The following CFAP299 variants were observed in gnomAD, a reference collection of about 807,000 sequenced individuals.
CFAP299 encodes the protein cilia and flagella associated protein 299.
Under a neutral mutation model 27.0 loss-of-function variants are expected in CFAP299, and 21 were observed. That is an observed-to-expected ratio of 0.78 (90% confidence interval 0.55 to 1.12). The LOEUF (loss-of-function observed/expected upper bound fraction) is 1.12, where lower values mean the gene tolerates loss of function less well. CFAP299 is among the 50% of genes most tolerant of loss of function. The pLI is 0.00. For synonymous variants in CFAP299, 104 were observed against 98.1 expected, an observed-to-expected ratio of 1.06 and a Z score of -0.36; for missense variants, 310 against 276.6, an observed-to-expected ratio of 1.12 and a Z score of -0.86.
At chr4:80,389,747 T>G (rs1437296001) in intron 2 of CFAP299, among the ~76,000 whole-genome samples, 4 of 152,212 alleles carry the variant, frequency 2.6e-5, no homozygotes, top group African/African-American at 9.6e-5. Context: ...CTAACCTTAT[T>G]GAGCACATTC....
chr4:80,610,032 A>G (rs1022182449), intron 3 of CFAP299, among the ~76,000 whole-genome samples: 1 of 152,108 alleles, frequency 6.6e-6, no homozygotes, highest in Non-Finnish European at 1.5e-5. Context: ...AAAAAGGCTG[A>G]ATAATGCTTA....
At chr4:80,446,021 A>G (rs912645513) in intron 2 of CFAP299, among the ~76,000 whole-genome samples, 2 of 152,178 alleles carry the variant, frequency 1.3e-5, no homozygotes. Flanking sequence ...TTTGATATTT[A>G]TGCTGCGTGC....
At chr4:80,746,446 A>G (rs1724595209) in intron 3 of CFAP299, among the ~76,000 whole-genome samples, 3 of 152,116 alleles carry the variant, frequency 2.0e-5, no homozygotes, top group Non-Finnish European at 2.9e-5. Context: ...TAATTTTGGA[A>G]TATGTATTAT....
intron 2 of CFAP299, among the ~76,000 whole-genome samples, chr4:80,546,015 C>T (rs1259781441): frequency 1.3e-5 from 2 of 152,100 alleles, no homozygotes; most frequent in African/African-American, 2.4e-5. Flanking sequence ...ATGATTATAT[C>T]AATAGACACA....
chr4:80,350,621 A>G (rs947647917), intron 1 of CFAP299, among the ~76,000 whole-genome samples: 6 of 152,244 alleles, frequency 3.9e-5, no homozygotes, highest in Admixed American at 6.5e-5. Flanking sequence ...CAATGAGTTC[A>G]TGTCCTTTGC....
chr4:80,387,547 TC>T lies in CFAP299; in HGVS notation c.242+24665del, dbSNP rs1158580297. ...TAGGGGCTGGCCCAACCCTGTGTTT[TC>T]CTCATCCTCCTGCCTACTGGGGTTC... On this transcript the variant is annotated intron_variant, in intron 2 of 5. Coordinates refer to ENST00000358105, the MANE Select transcript of CFAP299 (RefSeq NM_152770.3). 1.6e-5 allele frequency: 15 copies of T among 912,678 alleles called. 1 individual carries two copies. In the Admixed American group the frequency reaches 2.7e-4, roughly 16 times the overall value. The allele number at this position is 912,678 out of a possible 1,614,324, so 56.5% of individuals were successfully genotyped here. A position where few individuals can be genotyped will look rare whatever the true frequency, so the allele number is the denominator to read the frequency against.
At chr4:80,689,075 C>T (rs988917430) in intron 3 of CFAP299, among the ~76,000 whole-genome samples, 16 of 152,140 alleles carry the variant, frequency 1.1e-4, no homozygotes, top group Non-Finnish European at 2.2e-4. Context: ...ATTGGTGTAC[C>T]TGAAAGTGAC....
intron 3 of CFAP299, among the ~76,000 whole-genome samples, chr4:80,809,277 A>T (rs777922031): frequency 5.3e-5 from 8 of 152,098 alleles, no homozygotes; most frequent in Non-Finnish European, 1.0e-4. Context: ...ATCACTCATG[A>T]TTTTGTTGAT....
chr4:80,790,239 G>A (rs774706903), intron 3 of CFAP299: 1 of 152,024 alleles, frequency 6.6e-6, no homozygotes, highest in Non-Finnish European at 1.5e-5. Flanking sequence ...AAAATTATGT[G>A]CAGTTTCTCC....
chr4:80,891,242 G>A (rs1289894275), intron 4 of CFAP299, among the ~76,000 whole-genome samples: 1 of 149,408 alleles, frequency 6.7e-6, no homozygotes, highest in Non-Finnish European at 1.5e-5. Flanking sequence ...TTTGTATAAG[G>A]TGTAAGGAAG....
At chr4:80,337,102 A>G (rs1722183543) in intron 1 of CFAP299, among the ~76,000 whole-genome samples, 1 of 152,252 alleles carries the variant, frequency 6.6e-6, no homozygotes, top group Non-Finnish European at 1.5e-5. Flanking sequence ...ATTTAAAGTC[A>G]TAAAAGTCAG....
intron 3 of CFAP299, among the ~76,000 whole-genome samples, chr4:80,621,027 A>T (rs892263807): frequency 2.0e-5 from 3 of 152,070 alleles, no homozygotes; most frequent in African/African-American, 7.2e-5. Context: ...TTTTATCATT[A>T]ACCAAGTAAC....
At chr4:80,466,347 T>C (rs1178551367) in intron 2 of CFAP299, among the ~76,000 whole-genome samples, 1 of 152,210 alleles carries the variant, frequency 6.6e-6, no homozygotes. Flanking sequence ...TTACTTTATT[T>C]TAACCCAAAG....
At chr4:80,603,703 C>T (rs191707836) in intron 3 of CFAP299, among the ~76,000 whole-genome samples, 9 of 152,276 alleles carry the variant, frequency 5.9e-5, no homozygotes, top group Non-Finnish European at 1.2e-4. Flanking sequence ...TCAATTCCAA[C>T]AGCAATCAAT....
chr4:80,608,350 T>C (rs1442556849), intron 3 of CFAP299: 7 of 1,531,558 alleles, frequency 4.6e-6, no homozygotes, highest in Non-Finnish European at 6.1e-6. Context: ...AACAGGAGAC[T>C]GATGCTGCTC....
At chr4:80,799,284 T>TTATATAATATTTATATATATA (rs1728090924) in intron 3 of CFAP299, among the ~76,000 whole-genome samples, 2 of 90,492 alleles carry the variant, frequency 2.2e-5, no homozygotes, top group African/African-American at 1.1e-4. Context: ...ATATATATAT[T>TTATATAATATTTATATATATA]GTATAAATAT....
intron 3 of CFAP299, among the ~76,000 whole-genome samples, chr4:80,763,710 A>C (rs182799552): frequency 6.6e-6 from 1 of 152,186 alleles, no homozygotes; most frequent in East Asian, 1.9e-4. Context: ...AAACTATACT[A>C]TAAGGCTGTA....
intron 3 of CFAP299, among the ~76,000 whole-genome samples, chr4:80,842,731 G>A (rs6849086): frequency 0.044 from 6,691 of 152,126 alleles, 516 homozygotes; most frequent in African/African-American, 0.15. Flanking sequence ...GCCCCTTCAC[G>A]TGATTAGGCT....
intron 3 of CFAP299, among the ~76,000 whole-genome samples, chr4:80,660,650 T>G (rs139101306): frequency 0.012 from 1,801 of 152,308 alleles, 23 homozygotes; most frequent in Non-Finnish European, 0.018. Context: ...GGATAACATC[T>G]GGATTTTGCC....
Sources: allele counts gnomAD v4.1 joint callset (sites outside exome capture counted in the v4.1 genomes callset), GRCh38; gene constraint gnomAD v4.1.1; transcripts MANE v1.5; gene names NCBI Gene and HGNC (gene_info 2026-07-23, HGNC 2026-07-21).